The following SHANK2 variants were observed in gnomAD, a reference collection of about 807,000 sequenced individuals.
The protein encoded by SHANK2 is SH3 and multiple ankyrin repeat domains protein 2.
In SHANK2, 43 loss-of-function variants were observed where a neutral mutation model predicts 133.7. The ratio of observed to expected loss-of-function variants is 0.32; its 90% CI spans 0.25 to 0.41. The LOEUF (loss-of-function observed/expected upper bound fraction) is 0.41, where lower values mean the gene tolerates loss of function less well. Ranked by LOEUF, SHANK2 falls within the 10% of genes least tolerant of loss-of-function variation. The pLI, the probability that SHANK2 is intolerant of heterozygous loss-of-function variation, is 1.00. For missense variants in SHANK2, 1,994 were observed against 2,235.8 expected, an observed-to-expected ratio of 0.89 and a Z score of 2.18; for synonymous variants, 1,017 against 952.8, an observed-to-expected ratio of 1.07 and a Z score of -1.24.
chr11:70,506,766 C>T (rs1033376052), intron 17 of SHANK2, among the ~76,000 whole-genome samples: 13 of 152,098 alleles, frequency 8.5e-5, no homozygotes, highest in Admixed American at 1.3e-4. Flanking sequence ...TTATTGGGTC[C>T]GGAGCCTGTG....
chr11:70,525,882 T>C (rs1481654908), intron 17 of SHANK2, among the ~76,000 whole-genome samples: 1 of 151,878 alleles, frequency 6.6e-6, no homozygotes, highest in Non-Finnish European at 1.5e-5. Flanking sequence ...CTGTGACTCC[T>C]GTCTCCTCTG....
intron 2 of SHANK2, among the ~76,000 whole-genome samples, chr11:71,213,967 C>T (rs1329892590): frequency 6.6e-6 from 1 of 152,126 alleles, no homozygotes; most frequent in Non-Finnish European, 1.5e-5. Flanking sequence ...CCTTTTTCAA[C>T]TCCTGTTCAC....
At chr11:70,562,749 T>G (rs1554981111) in intron 17 of SHANK2, among the ~76,000 whole-genome samples, 1 of 152,216 alleles carries the variant, frequency 6.6e-6, no homozygotes. Flanking sequence ...CTGCATTTAA[T>G]ATGTGATTAT....
intron 8 of SHANK2, among the ~76,000 whole-genome samples, chr11:71,077,766 C>T (rs1342536449): frequency 3.3e-5 from 5 of 152,144 alleles, no homozygotes; most frequent in South Asian, 2.1e-4. Flanking sequence ...GACGGCTGCA[C>T]GCAGGGCTCT....
chr11:70,544,773 C>T (rs1377186443), intron 17 of SHANK2, among the ~76,000 whole-genome samples: 2 of 152,236 alleles, frequency 1.3e-5, no homozygotes, highest in Non-Finnish European at 2.9e-5. Context: ...ACGACAGAGG[C>T]GAGACCTCAG....
At chr11:70,924,798 T>G (rs1950404324) in intron 10 of SHANK2, among the ~76,000 whole-genome samples, 1 of 152,162 alleles carries the variant, frequency 6.6e-6, no homozygotes, top group Non-Finnish European at 1.5e-5. Flanking sequence ...TTTTATTATC[T>G]CATTAGGCAC....
intron 10 of SHANK2, among the ~76,000 whole-genome samples, chr11:70,953,007 C>T (rs1555087004): frequency 6.6e-6 from 1 of 152,046 alleles, no homozygotes; most frequent in Non-Finnish European, 1.5e-5. Context: ...GATCTCTGCC[C>T]CCATCCCACG....
intron 14 of SHANK2, among the ~76,000 whole-genome samples, chr11:70,793,744 G>A (rs2156339): frequency 0.045 from 6,888 of 152,244 alleles, 566 homozygotes; most frequent in African/African-American, 0.16. Context: ...AGAACAAAAT[G>A]GGACAGCACT....
At chr11:70,940,279 G>T (rs372007057) in intron 10 of SHANK2, among the ~76,000 whole-genome samples, 1 of 46,222 alleles carries the variant, frequency 2.2e-5, no homozygotes, top group Non-Finnish European at 4.3e-5. Context: ...ACAGAGTCTC[G>T]CTGTGTCACC....
chr11:70,897,809 C>T (rs549115803), intron 10 of SHANK2, among the ~76,000 whole-genome samples: 87 of 152,178 alleles, frequency 5.7e-4, no homozygotes, highest in South Asian at 2.7e-3. Flanking sequence ...AGAAAGTCTT[C>T]GCTCTTCAGT....
At chr11:71,091,740 G>A (rs1028165770) in intron 8 of SHANK2, among the ~76,000 whole-genome samples, 4 of 152,128 alleles carry the variant, frequency 2.6e-5, no homozygotes, top group African/African-American at 4.8e-5. Flanking sequence ...ATGGGCCTGC[G>A]GGCCCCCTCC....
chr11:70,885,024 G>T (rs547679196), intron 11 of SHANK2, among the ~76,000 whole-genome samples: 1 of 152,180 alleles, frequency 6.6e-6, no homozygotes, highest in East Asian at 1.9e-4. Context: ...CCCAGCCAGG[G>T]GTCTTTTCTA....
Position 70,522,917 on chromosome 11 carries a change from G to A in SHANK2, c.2062-19986C>T, listed in dbSNP as rs529969999. ...TAGCGGCCACAGTTGCCCCGGCAAC[G>A]TGCGGCCGCGGGCAGGCTACCTTCA... On this transcript the variant is annotated intron_variant, in intron 17 of 25. Coordinates refer to ENST00000601538, the MANE Select transcript of SHANK2 (RefSeq NM_012309.5). Among the ~76,000 whole-genome samples the A allele has an allele frequency of 5.8e-4, 89 of 152,188 alleles. 1 individual carries two copies. Among genetic ancestry groups the A allele is most frequent in the African/African-American group, 2.1e-3 (87 of 41,536 alleles).
chr11:70,678,925 G>A lies in SHANK2; in HGVS notation c.1854-17247C>T, dbSNP rs889674225. Among the ~76,000 whole-genome samples the A allele has an allele frequency of 7.9e-4, 121 of 152,226 alleles. 1 individual carries two copies. The highest frequency in any genetic ancestry group is 2.8e-3 in the African/African-American group (116 of 41,538). On this transcript the variant is annotated intron_variant, in intron 15 of 25. Coordinates refer to ENST00000601538, the MANE Select transcript of SHANK2 (RefSeq NM_012309.5). ...GGCTGCACAGGTATTCATTTGCCTT[G>A]ACATACATCCTCCAGATATCCCCAG...
rs71049964 is a variant in SHANK2 at position 71,218,261 on chromosome 11, C to CT, written c.-13+6435dup. 3.5e-3 allele frequency among the ~76,000 whole-genome samples: 251 copies of CT among 72,496 alleles called. 1 individual carries two copies. The highest frequency in any genetic ancestry group is 0.011 in the African/African-American group (227 of 20,774). The allele number at this position is 72,496 out of a possible 152,430, so 47.6% of individuals were successfully genotyped here. On this transcript the variant is annotated intron_variant, in intron 2 of 25. Coordinates refer to ENST00000601538, the MANE Select transcript of SHANK2 (RefSeq NM_012309.5). The stretch of plus-strand genomic sequence containing the variant: ...AAGAAATTCTTCTAATTTTCTTTTT[C>CT]TTTTTTTTTTTTTTTTTTTTGAGAT...
intron 17 of SHANK2, among the ~76,000 whole-genome samples, chr11:70,546,152 T>C (rs1356250353): frequency 6.7e-6 from 1 of 148,162 alleles, no homozygotes; most frequent in African/African-American, 2.5e-5. Context: ...CTGCTTAGGC[T>C]GGTCTTGAAC....
chr11:70,681,200 T>C (rs553036887), intron 15 of SHANK2, among the ~76,000 whole-genome samples: 1 of 152,230 alleles, frequency 6.6e-6, no homozygotes, highest in Admixed American at 6.5e-5. Flanking sequence ...AAGTCCCCCG[T>C]TCTCTCTCTG....
intron 2 of SHANK2, among the ~76,000 whole-genome samples, chr11:71,154,470 C>T (rs1424955219): frequency 1.3e-5 from 2 of 152,206 alleles, no homozygotes; most frequent in African/African-American, 2.4e-5. Context: ...GAGAAAGGCA[C>T]GCTGGCTTCC....
At chr11:71,212,545 T>G (rs1555119018) in intron 2 of SHANK2, among the ~76,000 whole-genome samples, 1 of 152,202 alleles carries the variant, frequency 6.6e-6, no homozygotes. Context: ...TTCCAGGGGC[T>G]GCAGTGAACA....
Sources: gnomAD v4.1 joint callset for allele counts (sites outside exome capture counted in the v4.1 genomes callset) on GRCh38, gnomAD v4.1.1 for gene constraint, MANE v1.5 for transcripts, NCBI Gene and HGNC (gene_info 2026-07-23, HGNC 2026-07-21) for gene names.